CTNNA2: variants seen among roughly 807,000 people sequenced by gnomAD.
CTNNA2 encodes catenin alpha-2.
In CTNNA2, 42 loss-of-function variants were observed where a neutral mutation model predicts 101.0. The ratio of observed to expected loss-of-function variants is 0.42; its 90% confidence interval spans 0.32 to 0.54. CTNNA2 has a LOEUF of 0.54. Ranked by LOEUF, CTNNA2 falls within the 20% of genes least tolerant of loss-of-function variation. The pLI, the probability that CTNNA2 is intolerant of heterozygous loss-of-function variation, is 0.14. For synonymous variants in CTNNA2, 450 were observed against 456.4 expected (o/e 0.99, Z 0.18); for missense variants, 871 against 1,223.1 (o/e 0.71, Z 4.29).
Position 79,351,364 on chromosome 2 carries a change from A to C in CTNNA2, c.-317-22467A>C, listed in dbSNP as rs1346938599. 2.6e-5 allele frequency among the ~76,000 whole-genome samples: 4 copies of C among 152,148 alleles called. No homozygotes were observed. In the East Asian group the frequency reaches 5.8e-4, roughly 22 times the overall value. ...AGTCTAGTTTCATTCTCCTGCCTGT[A>C]GCTAGCCAATTTTTCCCAATACCAT... is the stretch of plus-strand genomic sequence containing the variant. On this transcript the variant is annotated intron_variant, in intron 3 of 21. Transcript: ENST00000466387.
intron 3 of CTNNA2, among the ~76,000 whole-genome samples, chr2:79,772,308 A>G (rs6725525): frequency 0.015 from 2,264 of 152,276 alleles, 56 homozygotes; most frequent in African/African-American, 0.051. Context: ...TGAAGACTCA[A>G]TCTCTCAAGT....
Position 80,109,233 on chromosome 2 carries a change from G to A in CTNNA2, c.1056+199436G>A, listed in dbSNP as rs1296446359. 3.3e-5 allele frequency among the ~76,000 whole-genome samples: 5 copies of A among 152,190 alleles called. No homozygotes were observed. In the South Asian group the frequency reaches 6.2e-4, roughly 19 times the overall value. On this transcript the variant is annotated intron_variant, in intron 7 of 18. Coordinates refer to ENST00000402739, the MANE Select transcript of CTNNA2 (RefSeq NM_001282597.3). ...CCCAGCACTTTGGGAGGCTGAGGCC[G>A]GTGGATCACGAGGTTGGGAGACTGA...
chr2:80,223,134 C>T (rs143899710), intron 7 of CTNNA2, among the ~76,000 whole-genome samples: 101 of 152,210 alleles, frequency 6.6e-4, no homozygotes, highest in African/African-American at 2.3e-3. Context: ...TATGGGCTGT[C>T]CAGTGCACTG....
intron 4 of CTNNA2, among the ~76,000 whole-genome samples, chr2:79,406,149 T>C (rs1045150812): frequency 6.6e-6 from 1 of 152,032 alleles, no homozygotes; most frequent in African/African-American, 2.4e-5. Flanking sequence ...GAAAGGTCAT[T>C]GATACTTTAC....
At chr2:80,603,105 G>T (rs1223954139) in intron 15 of CTNNA2, among the ~76,000 whole-genome samples, 1 of 151,916 alleles carries the variant, frequency 6.6e-6, no homozygotes, top group Non-Finnish European at 1.5e-5. Context: ...CTAACTACAG[G>T]AATGTAATCT....
chr2:79,413,237 C>A (rs2104494054), intron 4 of CTNNA2, among the ~76,000 whole-genome samples: 1 of 152,092 alleles, frequency 6.6e-6, no homozygotes, highest in South Asian at 2.1e-4. Flanking sequence ...TTGAAAAGAG[C>A]TGCAATTCTT....
At chr2:79,453,698 C>G (rs1215728961) in intron 4 of CTNNA2, among the ~76,000 whole-genome samples, 2 of 152,040 alleles carry the variant, frequency 1.3e-5, no homozygotes, top group Non-Finnish European at 2.9e-5. Context: ...TCATTTAATC[C>G]AAACAAGACT....
At chr2:80,267,303 T>G (rs1392397084) in intron 7 of CTNNA2, among the ~76,000 whole-genome samples, 1 of 152,086 alleles carries the variant, frequency 6.6e-6, no homozygotes, top group Non-Finnish European at 1.5e-5. Flanking sequence ...ATTCAGAGAA[T>G]AGAATAGATA....
chr2:79,426,703 T>C (rs1678595763), intron 4 of CTNNA2, among the ~76,000 whole-genome samples: 1 of 152,144 alleles, frequency 6.6e-6, no homozygotes. Flanking sequence ...CACGTTCTGT[T>C]ACCTGTAACG....
chr2:80,223,344 G>A (rs113395460), intron 7 of CTNNA2, among the ~76,000 whole-genome samples: 25,367 of 152,178 alleles, frequency 0.17, 2,777 homozygotes, highest in East Asian at 0.48. Flanking sequence ...GCGCAATCTC[G>A]GCTCACAGCA....
chr2:79,799,860 A>G (rs933477526), intron 3 of CTNNA2, among the ~76,000 whole-genome samples: 1 of 152,220 alleles, frequency 6.6e-6, no homozygotes, highest in African/African-American at 2.4e-5. Flanking sequence ...CATCTTAGAC[A>G]CAGATGTAGG....
chr2:79,534,478 A>C (rs967750311), intron 1 of CTNNA2, among the ~76,000 whole-genome samples: 2 of 152,130 alleles, frequency 1.3e-5, no homozygotes, highest in Non-Finnish European at 2.9e-5. Context: ...TTTCAGGCTC[A>C]TAATAGGTAT....
intron 8 of CTNNA2, among the ~76,000 whole-genome samples, chr2:80,418,173 T>G (rs1045770662): frequency 2.0e-5 from 3 of 152,160 alleles, no homozygotes; most frequent in African/African-American, 7.2e-5. Flanking sequence ...CTTCAGACCT[T>G]CTTACCCTAG....
At chr2:79,193,595 T>C (rs1293356024) in intron 1 of CTNNA2, among the ~76,000 whole-genome samples, 4 of 152,174 alleles carry the variant, frequency 2.6e-5, no homozygotes, top group Non-Finnish European at 5.9e-5. Flanking sequence ...CAATATTAAG[T>C]CATGTATGAC....
chr2:79,596,382 TTATAA>T (rs1383715984), intron 1 of CTNNA2, among the ~76,000 whole-genome samples: 3 of 152,098 alleles, frequency 2.0e-5, no homozygotes, highest in Admixed American at 6.5e-5. Context: ...AGCCCAAATG[TTATAA>T]TATATATAAG....
At chr2:80,365,595 C>G (rs1428497919) in intron 7 of CTNNA2, among the ~76,000 whole-genome samples, 1 of 147,638 alleles carries the variant, frequency 6.8e-6, no homozygotes, top group African/African-American at 2.5e-5. Flanking sequence ...ACAACAACAA[C>G]TCTATTATGG....
chr2:79,917,048 G>T (rs558299335), intron 7 of CTNNA2, among the ~76,000 whole-genome samples: 1 of 151,582 alleles, frequency 6.6e-6, no homozygotes, highest in South Asian at 2.1e-4. Flanking sequence ...TCAGGTTCAA[G>T]CAATTCTCAG....
At chr2:79,449,837 A>G (rs1678869574) in intron 4 of CTNNA2, among the ~76,000 whole-genome samples, 1 of 152,022 alleles carries the variant, frequency 6.6e-6, no homozygotes, top group Non-Finnish European at 1.5e-5. Flanking sequence ...CAGATCCTTT[A>G]TGGGTAAATG....
At chr2:80,416,866 G>C (rs977758433) in intron 8 of CTNNA2, among the ~76,000 whole-genome samples, 1 of 151,872 alleles carries the variant, frequency 6.6e-6, no homozygotes, top group Admixed American at 6.6e-5. Context: ...AGTTTTGCTG[G>C]TTATAAAATT....
Sources: allele counts gnomAD v4.1 joint callset (sites outside exome capture counted in the v4.1 genomes callset), GRCh38; gene constraint gnomAD v4.1.1; transcripts MANE v1.5; gene names NCBI Gene and HGNC (gene_info 2026-07-23, HGNC 2026-07-21).